Variants in B4GALT1 observed in about 807,000 individuals in gnomAD.
B4GALT1 encodes the protein N-acetyllactosamine synthase.
Under a neutral mutation model 34.9 loss-of-function variants are expected in B4GALT1, and 16 were observed. The ratio of observed to expected loss-of-function variants is 0.46; its 90% CI spans 0.31 to 0.70. The LOEUF (loss-of-function observed/expected upper bound fraction) is 0.70. B4GALT1 is among the 30% of genes least tolerant of loss of function. The probability of loss-of-function intolerance (pLI) is 0.05; values close to 1 mark genes in which losing one functional copy is unlikely to be tolerated. For missense variants in B4GALT1, 445 were observed against 530.5 expected (o/e 0.84, Z 1.58); for synonymous variants, 221 against 218.1 (o/e 1.01, Z -0.12).
chr9:33,126,901 A>C (rs1292643058), intron 2 of B4GALT1, among the ~76,000 whole-genome samples: 2 of 152,200 alleles, frequency 1.3e-5, no homozygotes, highest in Non-Finnish European at 2.9e-5. Context: ...GAAGAGCCCA[A>C]CAGGGATTCT....
rs1839888042 is a variant in B4GALT1, at chr9:33,113,152, G to A, written c.*302C>T. 2.4e-6 allele frequency: 1 copy of A among 412,996 alleles called. No individual in the cohort carries two copies. Among genetic ancestry groups the A allele is most frequent in the South Asian group, 2.9e-5 (1 of 34,798 alleles). The allele number at this position is 412,996 out of a possible 1,614,324, so 25.6% of individuals were successfully genotyped here. A position where few individuals can be genotyped will look rare whatever the true frequency, so the allele number is the denominator to read the frequency against. On this transcript the variant is annotated 3_prime_UTR_variant, in exon 6 of 6. Coordinates refer to ENST00000379731, the MANE Select transcript of B4GALT1 (RefSeq NM_001497.4). ...ATTTAGCAATTCTATCACCGGGAAT[G>A]TGTTCCACGGCCACCAAATTTTGGG...
chr9:33,141,666 T>C (rs562436243), intron 1 of B4GALT1, among the ~76,000 whole-genome samples: 1 of 152,250 alleles, frequency 6.6e-6, no homozygotes, highest in Admixed American at 6.5e-5. Context: ...CAAGGAAAGC[T>C]TTGCAAAGAA....
intron 1 of B4GALT1, among the ~76,000 whole-genome samples, chr9:33,136,994 C>G (rs942203658): frequency 7.4e-5 from 11 of 149,012 alleles, no homozygotes; most frequent in Middle Eastern, 3.5e-3. Context: ...ACTTCCACCC[C>G]CTTCCCCAGT....
intron 1 of B4GALT1, among the ~76,000 whole-genome samples, chr9:33,164,896 AAAATG>A (rs1734126378): frequency 2.6e-5 from 4 of 152,250 alleles, no homozygotes; most frequent in Middle Eastern, 3.4e-3. Flanking sequence ...GGAGTCTGAA[AAAATG>A]AAACTTTTTA....
Position 33,163,593 on chromosome 9 carries a change from T to A in B4GALT1, c.412+3165A>T, listed in dbSNP as rs1312331969. Among the ~76,000 whole-genome samples, 7 of 152,234 alleles carry A rather than the reference T, an allele frequency of 4.6e-5. No homozygotes were observed. The East Asian group carries it at 1.4e-3, about 29-fold the overall frequency. On this transcript the variant is annotated intron_variant, in intron 1 of 5. Transcript: ENST00000379731. ...CCACCTCCCCCCATCACCCTACTCA[T>A]CTTCAGACTGGCAGTGCCACAGCTG...
chr9:33,177,986 CTT>C, the B4GALT1 span, among the ~76,000 whole-genome samples: 13 of 107,450 alleles, frequency 1.2e-4, no homozygotes, highest in Non-Finnish European at 1.4e-4. Flanking sequence ...AAACAGAAGA[CTT>C]TTTTTTTTTT....
intron 2 of B4GALT1, among the ~76,000 whole-genome samples, chr9:33,125,818 T>C (rs1840084038): frequency 6.6e-6 from 1 of 152,220 alleles, no homozygotes; most frequent in Non-Finnish European, 1.5e-5. Context: ...CAACAGCTTC[T>C]GGAAGAACTG....
intron 2 of B4GALT1, among the ~76,000 whole-genome samples, chr9:33,126,699 TGA>T (rs1421784236): frequency 6.1e-5 from 2 of 32,910 alleles, no homozygotes; most frequent in African/African-American, 1.4e-4. Context: ...AACTTGGATC[TGA>T]GATTTAAACT....
intron 1 of B4GALT1, among the ~76,000 whole-genome samples, chr9:33,155,657 A>G (rs1194897413): frequency 6.6e-6 from 1 of 152,184 alleles, no homozygotes; most frequent in African/African-American, 2.4e-5. Context: ...TTTGGGCTAT[A>G]TTCTGTCCCT....
chr9:33,169,052 A>G (rs1840813690), upstream of B4GALT1, among the ~76,000 whole-genome samples: 1 of 151,958 alleles, frequency 6.6e-6, no homozygotes, highest in Admixed American at 6.6e-5. Context: ...CCACCAGCCA[A>G]CTCTGATGTA....
At position 33,134,515 on chromosome 9, in the gene B4GALT1, G is replaced by C. The variant is rs774802866; in HGVS notation, c.648+674C>G. 4.6e-5 allele frequency among the ~76,000 whole-genome samples: 7 copies of C among 152,178 alleles called. 1 individual carries two copies. In the South Asian group the frequency reaches 1.2e-3, roughly 27 times the overall value. ...CTGAAAAATTTATTTCAATAAAGAT[G>C]CCTCTTAGATCAATCTGATTCTCCA... On this transcript the variant is annotated intron_variant, in intron 2 of 5. Coordinates refer to ENST00000379731, the MANE Select transcript of B4GALT1 (RefSeq NM_001497.4).
chr9:33,173,036 T>C, the B4GALT1 span, among the ~76,000 whole-genome samples: 1 of 152,090 alleles, frequency 6.6e-6, no homozygotes, highest in East Asian at 1.9e-4. Flanking sequence ...TCCTGTGAAG[T>C]AGGGCAACCG....
exon 3 of B4GALT1, chr9:33,104,666 C>T (rs747369091): frequency 8.3e-5 from 37 of 444,886 alleles, no homozygotes; most frequent in East Asian, 1.4e-4. Flanking sequence ...ACAGCCAGCA[C>T]GTCTCACGCT....
the B4GALT1 span, among the ~76,000 whole-genome samples, chr9:33,180,672 C>G: frequency 6.6e-6 from 1 of 152,172 alleles, no homozygotes; most frequent in African/African-American, 2.4e-5. Context: ...TGCCTCTTAG[C>G]GTCACTCCTA....
chr9:33,183,785 TAAAAG>T, the B4GALT1 span, among the ~76,000 whole-genome samples: 1 of 147,490 alleles, frequency 6.8e-6, no homozygotes, highest in Admixed American at 6.8e-5. Context: ...AGTATAATAA[TAAAAG>T]AAAAAAGAAA....
Position 33,135,298 on chromosome 9 carries a change from A to G in B4GALT1, c.539T>C (p.Ile180Thr). 6.2e-7 allele frequency: 1 copy of G among 1,614,194 alleles called. No individual in the cohort carries two copies. The highest frequency in any genetic ancestry group is 2.2e-5 in the East Asian group (1 of 44,884). ...CTGCCGGTTGCGGAATGGAATGATG[A>G]TGGCCACCTTGTGAGGAGAGACGCA... Reference protein sequence around the residue: ...RDCVSPHKVAIIIPFRNRQEH... With the variant: ...RDCVSPHKVATIIPFRNRQEH... Residue 180 changes from isoleucine to threonine, a missense_variant, in exon 2 of 6, where the codon ATC (isoleucine) becomes ACC (threonine). Around this residue, in one of 3 missense-constraint regions of B4GALT1, gnomAD observed 349 missense variants for 395.5 expected, o/e 0.88. Transcript: ENST00000379731.
downstream of B4GALT1, among the ~76,000 whole-genome samples, chr9:33,109,128 A>G (rs933763020): frequency 2.7e-4 from 41 of 151,992 alleles, 1 homozygote; most frequent in African/African-American, 9.9e-4. Flanking sequence ...TTTCAGTCCC[A>G]CTCCCATCCT....
intron 1 of B4GALT1, among the ~76,000 whole-genome samples, chr9:33,149,462 T>G (rs924948650): frequency 6.6e-6 from 1 of 152,036 alleles, no homozygotes; most frequent in African/African-American, 2.4e-5. Context: ...GTATTTTTTA[T>G]AGAGATGGCG....
chr9:33,121,409 C>T (rs2118060135), intron 2 of B4GALT1, among the ~76,000 whole-genome samples: 1 of 152,214 alleles, frequency 6.6e-6, no homozygotes, highest in South Asian at 2.1e-4. Flanking sequence ...ATCACTGAGG[C>T]TGGAGTATAA....
Sources: gnomAD v4.1 joint callset for allele counts (sites outside exome capture counted in the v4.1 genomes callset) on GRCh38, gnomAD v4.1.1 for gene constraint, gnomAD v4.1.1 regional missense constraint, MANE v1.5 for transcripts, NCBI Gene and HGNC (gene_info 2026-07-23, HGNC 2026-07-21) for gene names.